The following RIMS2 variants were observed in gnomAD, a reference collection of about 807,000 sequenced individuals.
RIMS2 encodes regulating synaptic membrane exocytosis protein 2.
RIMS2 carries 59 observed loss-of-function variants against 174.4 expected under a neutral mutation model. The ratio of observed to expected loss-of-function variants is 0.34; its 90% CI spans 0.27 to 0.42. The LOEUF is 0.42. RIMS2 is among the 10% of genes least tolerant of loss of function. The pLI is 1.00. For synonymous variants in RIMS2, 606 were observed against 572.5 expected (o/e 1.06, Z -0.84); for missense variants, 1,620 against 1,666.3 (o/e 0.97, Z 0.48).
At chr8:103,637,171 G>T (rs1342106504) in intron 1 of RIMS2, among the ~76,000 whole-genome samples, 1 of 152,148 alleles carries the variant, frequency 6.6e-6, no homozygotes, top group Non-Finnish European at 1.5e-5. Context: ...TGAACAAAAG[G>T]CAAGTAAACA....
At chr8:103,833,530 A>G (rs1015396737) in intron 3 of RIMS2, among the ~76,000 whole-genome samples, 1 of 151,826 alleles carries the variant, frequency 6.6e-6, no homozygotes, top group African/African-American at 2.4e-5. Context: ...GACTTTTTAT[A>G]GATTATCCCA....
chr8:103,953,450 C>T (rs2086080414), intron 14 of RIMS2, among the ~76,000 whole-genome samples: 1 of 152,194 alleles, frequency 6.6e-6, no homozygotes, highest in Admixed American at 6.5e-5. Flanking sequence ...CAATATTCAA[C>T]ATTCTTAAAG....
At chr8:103,972,048 C>T (rs2092943820) in intron 15 of RIMS2, among the ~76,000 whole-genome samples, 3 of 152,152 alleles carry the variant, frequency 2.0e-5, no homozygotes, top group African/African-American at 7.2e-5. Context: ...TCTCAAGTCC[C>T]ATGTTTAAAG....
intron 2 of RIMS2, among the ~76,000 whole-genome samples, chr8:103,733,986 C>T (rs1484488795): frequency 2.0e-5 from 3 of 146,730 alleles, no homozygotes; most frequent in Non-Finnish European, 4.5e-5. Context: ...TCTATGTGGC[C>T]ATCTTGCTTT....
intron 19 of RIMS2, among the ~76,000 whole-genome samples, chr8:104,166,873 C>T (rs563386134): frequency 1.3e-5 from 2 of 152,164 alleles, no homozygotes; most frequent in East Asian, 1.9e-4. Flanking sequence ...TGAGAACATA[C>T]AATATTTGGT....
At chr8:104,087,409 G>C (rs2097555286) in intron 19 of RIMS2, among the ~76,000 whole-genome samples, 1 of 152,062 alleles carries the variant, frequency 6.6e-6, no homozygotes, top group South Asian at 2.1e-4. Context: ...ATGGACAAGG[G>C]AGAAGTACAC....
In RIMS2 at chr8:103,569,309, G is replaced by A. The variant is rs371311591; in HGVS notation, c.176+68247G>A. ...AATACTATTCTTTCTCTACTGAATA[G>A]CCTTTGCACCTTTGTCAAAAATCAA... On this transcript the variant is annotated intron_variant, in intron 1 of 23. Transcript: ENST00000504942. 3.9e-5 allele frequency among the ~76,000 whole-genome samples: 6 copies of A among 151,958 alleles called. No homozygotes were observed. The East Asian group carries it at 9.7e-4, about 24-fold the overall frequency.
intron 19 of RIMS2, chr8:104,223,694 T>C: frequency 3.1e-6 from 5 of 1,591,876 alleles, no homozygotes; most frequent in Non-Finnish European, 4.3e-6. Context: ...TGCGGGGCGC[T>C]CCATGCAGCG....
At chr8:103,732,610 A>C (rs533353030) in intron 2 of RIMS2, among the ~76,000 whole-genome samples, 2 of 152,122 alleles carry the variant, frequency 1.3e-5, no homozygotes, top group East Asian at 3.9e-4. Context: ...GAACCCTTGA[A>C]ATCTACCTGG....
rs767748775 is a variant in RIMS2, at chr8:104,064,282, A to T, written c.3334+49667A>T. On this transcript the variant is annotated intron_variant, in intron 19 of 23. Coordinates refer to ENST00000504942, the Ensembl canonical transcript of RIMS2. The stretch of plus-strand genomic sequence containing the variant: ...ATATGTGATATGATTTAAGGAAATA[A>T]GTTAAATCAAGAGCAACAAAATATT... 1.8e-4 allele frequency among the ~76,000 whole-genome samples: 27 copies of T among 152,208 alleles called. 1 individual carries two copies. Among genetic ancestry groups the T allele is most frequent in the Non-Finnish European group, 2.8e-4 (19 of 68,030 alleles).
At chr8:103,971,714 G>A (rs1276958945) in intron 15 of RIMS2, among the ~76,000 whole-genome samples, 1 of 151,980 alleles carries the variant, frequency 6.6e-6, no homozygotes, top group Non-Finnish European at 1.5e-5. Context: ...TGGCATTACA[G>A]GCACATGCCA....
chr8:103,820,632 TA>T (rs1239506054), intron 3 of RIMS2, among the ~76,000 whole-genome samples: 5 of 151,972 alleles, frequency 3.3e-5, no homozygotes. Context: ...TGTTGGCATT[TA>T]AAATGTTTAC....
At chr8:103,777,610 T>C (rs1240748675) in intron 3 of RIMS2, among the ~76,000 whole-genome samples, 2 of 151,966 alleles carry the variant, frequency 1.3e-5, no homozygotes, top group Non-Finnish European at 2.9e-5. Context: ...AAAATACAGT[T>C]GAGGTCTAAG....
chr8:103,723,461 G>C lies in RIMS2; in HGVS notation c.387+26165G>C, dbSNP rs182912316. ...CTGGAGTCTGTGGGTCAGATGGCTTGGTACCTGGGTCAGTGGATGAGTAGG... is the reference window on the plus strand; with the variant it reads ...CTGGAGTCTGTGGGTCAGATGGCTTCGTACCTGGGTCAGTGGATGAGTAGG... On this transcript the variant is annotated intron_variant, in intron 2 of 23. Transcript: ENST00000504942. 2.0e-5 allele frequency among the ~76,000 whole-genome samples: 3 copies of C among 152,202 alleles called. No individual in the cohort carries two copies. In the South Asian group the frequency reaches 6.2e-4, roughly 32 times the overall value.
intron 1 of RIMS2, among the ~76,000 whole-genome samples, chr8:103,511,980 A>G (rs1826661583): frequency 6.6e-6 from 1 of 152,132 alleles, no homozygotes; most frequent in South Asian, 2.1e-4. Context: ...CAAGCAGGAC[A>G]TCATCTGTGG....
At chr8:103,703,816 A>G (rs1261487299) in intron 2 of RIMS2, among the ~76,000 whole-genome samples, 6 of 151,980 alleles carry the variant, frequency 3.9e-5, no homozygotes, top group Admixed American at 6.6e-5. Flanking sequence ...GAGAAATGCT[A>G]CTGATTTTTG....
chr8:104,067,034 T>C (rs189711688), intron 19 of RIMS2, among the ~76,000 whole-genome samples: 2 of 152,290 alleles, frequency 1.3e-5, no homozygotes, highest in East Asian at 1.9e-4. Flanking sequence ...TTTAAAAATA[T>C]TGGCTCAGAA....
chr8:103,890,560 G>T (rs1290879871), intron 4 of RIMS2, among the ~76,000 whole-genome samples: 1 of 151,962 alleles, frequency 6.6e-6, no homozygotes, highest in Non-Finnish European at 1.5e-5. Context: ...CACTCTGTAT[G>T]TCTTGTAACA....
At chr8:103,960,994 T>C in intron 14 of RIMS2, 71 bp from the exon 17 acceptor site, 1 of 822,382 alleles carries the variant, frequency 1.2e-6, no homozygotes, top group Non-Finnish European at 2.1e-6. Flanking sequence ...TCGTTTGTTT[T>C]TCAGGTGTTT....
Sources: gnomAD v4.1 joint callset for allele counts (sites outside exome capture counted in the v4.1 genomes callset) on GRCh38, gnomAD v4.1.1 for gene constraint, MANE v1.5 for transcripts, NCBI Gene and HGNC (gene_info 2026-07-23, HGNC 2026-07-21) for gene names.